NR5A2: variants seen among roughly 807,000 people sequenced by gnomAD.
NR5A2 encodes the protein CYP7A promoter-binding factor.
Under a neutral mutation model 62.7 loss-of-function variants are expected in NR5A2, and 26 were observed. That is an observed-to-expected ratio of 0.41 (90% CI 0.30 to 0.58). The LOEUF (loss-of-function observed/expected upper bound fraction) is 0.58. Among genes scored for constraint, NR5A2 ranks in the 20% least tolerant of loss-of-function variants. The pLI, the probability that NR5A2 is intolerant of heterozygous loss-of-function variation, is 0.22. For missense variants in NR5A2, 541 were observed against 669.1 expected, an observed-to-expected ratio of 0.81 and a Z score of 2.11; for synonymous variants, 246 against 241.7, an observed-to-expected ratio of 1.02 and a Z score of -0.16.
intron 5 of NR5A2, among the ~76,000 whole-genome samples, chr1:200,078,030 A>G (rs1171024367): frequency 6.6e-6 from 1 of 152,234 alleles, no homozygotes; most frequent in East Asian, 1.9e-4. Context: ...CAGGTAAAGA[A>G]GCTAGTTAAA....
intron 7 of NR5A2, among the ~76,000 whole-genome samples, chr1:200,173,109 G>A (rs1179626091): frequency 6.6e-6 from 1 of 151,942 alleles, no homozygotes; most frequent in African/African-American, 2.4e-5. Context: ...TTTTTATTCT[G>A]GCTTTCTCTC....
rs1260727163 is a variant in NR5A2 at position 200,163,051 on chromosome 1, A to C, written c.1379-10912A>C. ...CACACTGAAATAAAATGTTCAACAC[A>C]TGGAAAAGTCCAAAGGATTTGAGAA... On this transcript the variant is annotated intron_variant, in intron 7 of 7. Coordinates refer to ENST00000367362, the MANE Select transcript of NR5A2 (RefSeq NM_205860.3). 3.3e-5 allele frequency among the ~76,000 whole-genome samples: 5 copies of C among 152,206 alleles called. No homozygotes were observed. The East Asian group carries it at 9.6e-4, about 29-fold the overall frequency.
At chr1:200,040,865 C>T (rs1353384009) in intron 2 of NR5A2, among the ~76,000 whole-genome samples, 1 of 152,222 alleles carries the variant, frequency 6.6e-6, no homozygotes, top group Non-Finnish European at 1.5e-5. Context: ...AAATACGTAG[C>T]TGGAGGGCGT....
At chr1:200,051,478 A>T (rs1662630024) in intron 5 of NR5A2, among the ~76,000 whole-genome samples, 1 of 152,208 alleles carries the variant, frequency 6.6e-6, no homozygotes, top group African/African-American at 2.4e-5. Context: ...GCATTTTTCA[A>T]TCAATTACGG....
At chr1:200,088,816 T>A (rs1158459792) in intron 5 of NR5A2, among the ~76,000 whole-genome samples, 2 of 152,182 alleles carry the variant, frequency 1.3e-5, no homozygotes, top group Non-Finnish European at 2.9e-5. Context: ...CCATGGGAAA[T>A]GCCTCTTGTG....
intron 7 of NR5A2, among the ~76,000 whole-genome samples, chr1:200,143,034 A>AG (rs1357693463): frequency 6.6e-6 from 1 of 151,080 alleles, no homozygotes; most frequent in East Asian, 2.1e-4. Context: ...GTATGTAAAA[A>AG]GTGTGTGTGT....
intron 5 of NR5A2, among the ~76,000 whole-genome samples, chr1:200,107,316 T>TG (rs397769880): frequency 2.6e-5 from 4 of 151,690 alleles, no homozygotes; most frequent in Non-Finnish European, 5.9e-5. Context: ...TTTTTTTTTT[T>TG]GCCAGGCACC....
chr1:200,029,627 G>A (rs1041187868), intron 1 of NR5A2: 6 of 152,478 alleles, frequency 3.9e-5, no homozygotes, highest in East Asian at 3.9e-4. Context: ...TACCGAAGAA[G>A]GCTCTCCCCT....
chr1:200,144,374 A>G (rs1270157104), intron 7 of NR5A2, among the ~76,000 whole-genome samples: 2 of 152,052 alleles, frequency 1.3e-5, no homozygotes, highest in East Asian at 3.9e-4. Context: ...ATGTCAGCAC[A>G]CTGTTGCCCA....
rs1571427277 is a variant in NR5A2, at chr1:200,074,571, A to G, written c.1110+25753A>G. 2.0e-5 allele frequency among the ~76,000 whole-genome samples: 3 copies of G among 151,632 alleles called. 1 individual carries two copies. The South Asian group carries it at 6.3e-4, about 32-fold the overall frequency. On this transcript the variant is annotated intron_variant, in intron 5 of 7. Transcript: ENST00000367362. ...GCTAACACAGTGAAACTCCGTCTCT[A>G]CTAAAAATACAAAAAATTAGCCAGG...
intron 5 of NR5A2, among the ~76,000 whole-genome samples, chr1:200,078,532 C>T (rs1418219269): frequency 6.6e-6 from 1 of 152,206 alleles, no homozygotes; most frequent in Admixed American, 6.5e-5. Flanking sequence ...GAAAATCATA[C>T]TTTAAGTAAC....
At chr1:200,166,159 G>A (rs2102387981) in intron 7 of NR5A2, among the ~76,000 whole-genome samples, 1 of 152,262 alleles carries the variant, frequency 6.6e-6, no homozygotes, top group South Asian at 2.1e-4. Flanking sequence ...CATTGGTATT[G>A]TACCACAAAA....
chr1:200,044,896 A>G (rs962746464), intron 3 of NR5A2, among the ~76,000 whole-genome samples: 3 of 152,086 alleles, frequency 2.0e-5, no homozygotes, highest in African/African-American at 7.2e-5. Context: ...CCCATACTTG[A>G]ATGTATTCCA....
At chr1:200,078,035 G>A (rs1049940492) in intron 5 of NR5A2, among the ~76,000 whole-genome samples, 8 of 152,198 alleles carry the variant, frequency 5.3e-5, no homozygotes, top group Admixed American at 6.5e-5. Context: ...AAAGAAGCTA[G>A]TTAAAGAAAG....
rs61826188 is a variant in NR5A2, at chr1:200,172,366, G to A, written c.1379-1597G>A. Among the ~76,000 whole-genome samples, 975 of 152,158 alleles carry A rather than the reference G, an allele frequency of 6.4e-3. 6 individuals are homozygous for A. Among genetic ancestry groups the A allele is most frequent in the Admixed American group, 0.01 (159 of 15,294 alleles). ...TATGCTTTACTAACTGTAAAGTGCCGCATGGGTAAAATGTCCAGAGCACAC... is the reference window on the plus strand; with the variant it reads ...TATGCTTTACTAACTGTAAAGTGCCACATGGGTAAAATGTCCAGAGCACAC... On this transcript the variant is annotated intron_variant, in intron 7 of 7. Coordinates refer to ENST00000367362, the MANE Select transcript of NR5A2 (RefSeq NM_205860.3).
In NR5A2 at chr1:200,147,857, G is replaced by A; in HGVS notation, c.1379-26106G>A. On this transcript the variant is annotated intron_variant, in intron 7 of 7. Transcript: ENST00000367362. The surrounding 1 kb of genome is among the most constrained non-coding windows in gnomAD (Gnocchi z 4.9). Reference sequence around the variant, plus strand: ...CCATTGGTGAGCAGTATGGCCACCTGCTTGTAGGCGCAGTCCCCGGAGCGG... The same window carrying A: ...CCATTGGTGAGCAGTATGGCCACCTACTTGTAGGCGCAGTCCCCGGAGCGG... 2.2e-6 allele frequency: 1 copy of A among 445,910 alleles called. No individual in the cohort carries two copies. Among genetic ancestry groups the A allele is most frequent in the Non-Finnish European group, 4.2e-6 (1 of 239,308 alleles). The allele number at this position is 445,910 out of a possible 1,614,324, so 27.6% of individuals were successfully genotyped here.
intron 7 of NR5A2, among the ~76,000 whole-genome samples, chr1:200,124,097 C>A (rs1275751542): frequency 6.6e-6 from 1 of 152,080 alleles, no homozygotes; most frequent in Non-Finnish European, 1.5e-5. Context: ...AGCCACCACG[C>A]CTGGCCTAGA....
In NR5A2 at chr1:200,160,240, A is replaced by T. The variant is rs76269553; in HGVS notation, c.1379-13723A>T. Among the ~76,000 whole-genome samples, 325 of 152,346 alleles carry T rather than the reference A, an allele frequency of 2.1e-3. 1 individual carries two copies. Among genetic ancestry groups the T allele is most frequent in the African/African-American group, 7.2e-3 (301 of 41,586 alleles). On this transcript the variant is annotated intron_variant, in intron 7 of 7. Transcript: ENST00000367362. ...ATTTCTTTAAAATGCTGAATTATGAAGGAGTATTGATTGTGTGAGTAGAAA... is the reference window on the plus strand; with the variant it reads ...ATTTCTTTAAAATGCTGAATTATGATGGAGTATTGATTGTGTGAGTAGAAA...
intron 5 of NR5A2, among the ~76,000 whole-genome samples, chr1:200,100,106 G>A (rs1167035600): frequency 6.6e-6 from 1 of 152,210 alleles, no homozygotes; most frequent in East Asian, 1.9e-4. Context: ...GGTTAGACAT[G>A]TGAGAACATT....
Sources: allele counts gnomAD v4.1 joint callset (sites outside exome capture counted in the v4.1 genomes callset), GRCh38; gene constraint gnomAD v4.1.1; non-coding constraint Gnocchi (gnomAD v3.1); transcripts MANE v1.5; gene names NCBI Gene and HGNC (gene_info 2026-07-23, HGNC 2026-07-21).